The following RORA variants were observed in gnomAD, a reference collection of about 807,000 sequenced individuals.
RORA encodes the protein nuclear receptor ROR-alpha.
In RORA, 7 loss-of-function variants were observed where a neutral mutation model predicts 69.5. That is an observed-to-expected ratio of 0.10 (90% confidence interval 0.06 to 0.19). The LOEUF (loss-of-function observed/expected upper bound fraction) is 0.19, where lower values mean the gene tolerates loss of function less well. Among genes scored for constraint, RORA ranks in the 10% least tolerant of loss-of-function variants. The probability of loss-of-function intolerance (pLI) is 1.00; values close to 1 mark genes in which losing one functional copy is unlikely to be tolerated. For missense variants in RORA, 457 were observed against 663.0 expected (o/e 0.69, Z 3.41); for synonymous variants, 261 against 240.8 (o/e 1.08, Z -0.78).
At position 60,511,138 on chromosome 15, in the gene RORA, C is replaced by T. The variant is rs977175702; in HGVS notation, c.820+88G>A. On this transcript the variant is annotated intron_variant, in intron 5 of 10. Transcript: ENST00000335670. This position sits in a 1 kb window ranked among gnomAD's most constrained non-coding sequence, Gnocchi z 6.4. The stretch of plus-strand genomic sequence containing the variant: ...GGTAAAGGTGAATTGCATCATTTAG[C>T]AGAACTCATTAGAGGAAAGTCAGAC... 4 of 1,388,112 alleles carry T rather than the reference C, an allele frequency of 2.9e-6. No homozygotes were observed. Among genetic ancestry groups the T allele is most frequent in the East Asian group, 2.3e-5 (1 of 43,512 alleles). 86.0% of individuals were successfully genotyped at this position (1,388,112 alleles called of 1,614,324 possible).
chr15:60,943,928 A>AAAAAAAAAAAAAAAAAAAG (rs1892783854), intron 1 of RORA, among the ~76,000 whole-genome samples: 1 of 148,712 alleles, frequency 6.7e-6, no homozygotes. Flanking sequence ...AAAAAAAAAA[A>AAAAAAAAAAAAAAAAAAAG]AAAAAAAAAA....
intron 2 of RORA, among the ~76,000 whole-genome samples, chr15:60,663,027 C>T (rs1945918332): frequency 6.6e-6 from 1 of 152,186 alleles, no homozygotes; most frequent in Non-Finnish European, 1.5e-5. Context: ...AAAGATGCAG[C>T]CCCCTTGCTT....
intron 1 of RORA, among the ~76,000 whole-genome samples, chr15:60,923,828 T>C (rs1199041406): frequency 6.6e-6 from 1 of 152,064 alleles, no homozygotes; most frequent in African/African-American, 2.4e-5. Context: ...CCCCTCTAAC[T>C]CACCATAGGG....
intron 1 of RORA, among the ~76,000 whole-genome samples, chr15:60,843,709 G>C (rs187314037): frequency 6.6e-6 from 1 of 152,172 alleles, no homozygotes; most frequent in South Asian, 2.1e-4. Context: ...AAAGCCAAAG[G>C]CTGAGTCAGA....
chr15:61,088,745 C>T (rs1214630151), intron 1 of RORA, among the ~76,000 whole-genome samples: 1 of 152,128 alleles, frequency 6.6e-6, no homozygotes, highest in Non-Finnish European at 1.5e-5. Flanking sequence ...GGAAGAAAAA[C>T]ACTCATTCTG....
intron 2 of RORA, among the ~76,000 whole-genome samples, chr15:60,573,810 C>T (rs563541810): frequency 6.6e-5 from 10 of 152,222 alleles, no homozygotes; most frequent in Non-Finnish European, 1.3e-4. Flanking sequence ...GTGCTCCTAT[C>T]GTCTCCTGCA....
At chr15:60,587,012 T>C (rs2068354904) in intron 2 of RORA, among the ~76,000 whole-genome samples, 1 of 152,146 alleles carries the variant, frequency 6.6e-6, no homozygotes, top group African/African-American at 2.4e-5. Context: ...AGCACGAGAA[T>C]TCGTAAGCTT....
chr15:61,002,504 G>A (rs552979763), intron 1 of RORA, among the ~76,000 whole-genome samples: 182 of 152,266 alleles, frequency 1.2e-3, no homozygotes, highest in African/African-American at 4.0e-3. Flanking sequence ...GCTTTGGGGC[G>A]TCTTGCTCAG....
intron 7 of RORA, among the ~76,000 whole-genome samples, 159 bp downstream of exon 7, chr15:60,503,376 T>G (rs1449757755): frequency 2.0e-5 from 3 of 152,158 alleles, no homozygotes; most frequent in Admixed American, 1.3e-4. Context: ...GAATATATCT[T>G]AAAACCTTTG....
chr15:60,737,454 G>T (rs341414), intron 1 of RORA, among the ~76,000 whole-genome samples: 1 of 151,980 alleles, frequency 6.6e-6, no homozygotes, highest in Non-Finnish European at 1.5e-5. Flanking sequence ...CTGGACCAGC[G>T]GCATGGGCAG....
In RORA at chr15:60,501,033, C is replaced by A. The variant is rs2065315101; in HGVS notation, c.1220G>T (p.Gly407Val). The A allele has an allele frequency of 6.2e-7, 1 of 1,610,132 alleles. No individual in the cohort carries two copies. The change falls in exon 9 of 11, where the codon GGA (glycine) becomes GTA (valine). Residue 407 changes from glycine (G) to valine (V), a missense_variant. This residue lies in a region of RORA where 304 missense variants were observed against 447.4 expected (regional missense o/e 0.68). Transcript: ENST00000335670. ...EDFISFVFEF[G>V]KSLCSMHLTE... ...CAGGTGCATAGAACATAAACTCTTT[C>A]CAAATTCAAACACAAAGCTAATAAA...
At chr15:60,878,366 A>AG (rs2073642941) in intron 1 of RORA, among the ~76,000 whole-genome samples, 1 of 135,302 alleles carries the variant, frequency 7.4e-6, no homozygotes, top group East Asian at 2.0e-4. Flanking sequence ...AAAAAAAAAA[A>AG]AAGAATTTTC....
At chr15:60,559,489 CA>C (rs953544047) in intron 2 of RORA, among the ~76,000 whole-genome samples, 29 of 152,296 alleles carry the variant, frequency 1.9e-4, no homozygotes, top group African/African-American at 6.7e-4. Context: ...AAATCAAGTG[CA>C]TTCACTGTAG....
chr15:61,049,892 C>T (rs531155382), intron 1 of RORA, among the ~76,000 whole-genome samples: 129 of 152,288 alleles, frequency 8.5e-4, no homozygotes, highest in Non-Finnish European at 7.1e-4. Flanking sequence ...AACTCCTGAC[C>T]TAGTGATCTG....
At position 60,590,175 on chromosome 15, in the gene RORA, A is replaced by ATCTCTCTCTCTCTCTCTCTC. The variant is rs56192812; in HGVS notation, c.197-58344_197-58325dup. Among the ~76,000 whole-genome samples the ATCTCTCTCTCTCTCTCTCTC allele has an allele frequency of 5.1e-3, 746 of 146,760 alleles. 9 individuals carry two copies. The highest frequency in any genetic ancestry group is 0.018 in the African/African-American group (710 of 38,422). ...ATGCATTCTCTCTCCCTCTTCCTCT[A>ATCTCTCTCTCTCTCTCTCTC]TCTCTCTCTCTCTCTCTCTCTCTCT... On this transcript the variant is annotated intron_variant, in intron 2 of 10. Transcript: ENST00000335670.
intron 1 of RORA, among the ~76,000 whole-genome samples, chr15:60,876,218 T>G (rs1007819330): frequency 2.6e-5 from 4 of 151,774 alleles, no homozygotes; most frequent in African/African-American, 9.7e-5. Context: ...TACAGAGAAT[T>G]AATTTCCTGA....
chr15:60,585,206 G>A (rs923205715), intron 2 of RORA, among the ~76,000 whole-genome samples: 2 of 152,090 alleles, frequency 1.3e-5, no homozygotes, highest in East Asian at 1.9e-4. Flanking sequence ...CTCAGATTCC[G>A]ACACAGAAAT....
intron 1 of RORA, among the ~76,000 whole-genome samples, chr15:60,913,976 C>A (rs1269261805): frequency 6.6e-6 from 1 of 152,176 alleles, no homozygotes; most frequent in African/African-American, 2.4e-5. Flanking sequence ...TAATGTCTGT[C>A]TCCCTTTCAC....
chr15:60,789,195 G>A (rs950409794), intron 1 of RORA, among the ~76,000 whole-genome samples: 2 of 152,210 alleles, frequency 1.3e-5, no homozygotes, highest in African/African-American at 4.8e-5. Context: ...GGAGCCAGCT[G>A]AGGCCAGGAT....
Sources: allele counts gnomAD v4.1 joint callset (sites outside exome capture counted in the v4.1 genomes callset), GRCh38; gene constraint gnomAD v4.1.1; regional missense constraint gnomAD v4.1.1; non-coding constraint Gnocchi (gnomAD v3.1); transcripts MANE v1.5; gene names NCBI Gene and HGNC (gene_info 2026-07-23, HGNC 2026-07-21).